Variants in DLGAP2 observed in about 807,000 individuals in gnomAD.
DLGAP2 encodes DLG associated protein 2, also known as disks large-associated protein 2.
In DLGAP2, 26 loss-of-function variants were observed where a neutral mutation model predicts 100.3. That is an observed-to-expected ratio of 0.26 (90% CI 0.19 to 0.36). The LOEUF (loss-of-function observed/expected upper bound fraction) is 0.36, where lower values mean the gene tolerates loss of function less well. DLGAP2 is among the 10% of genes least tolerant of loss of function. The pLI, the probability that DLGAP2 is intolerant of heterozygous loss-of-function variation, is 1.00. For missense variants in DLGAP2, 1,858 were observed against 1,453.2 expected, an observed-to-expected ratio of 1.28 and a Z score of -4.53; for synonymous variants, 886 against 630.1, an observed-to-expected ratio of 1.41 and a Z score of -6.08.
At position 1,013,519 on chromosome 8, in the gene DLGAP2, G is replaced by C. The variant is rs139124730; in HGVS notation, c.73+105553G>C. ...CATCACAGGGTCTCTGTGGGGGCGT[G>C]ATGGGGGTGGGTGATGATGTTGCCG... On this transcript the variant is annotated intron_variant, in intron 2 of 14. Transcript: ENST00000637795. Among the ~76,000 whole-genome samples the C allele has an allele frequency of 2.4e-3, 372 of 152,318 alleles. 7 individuals carry two copies. Among genetic ancestry groups the C allele is most frequent in the Admixed American group, 0.021 (318 of 15,296 alleles).
At chr8:920,139 G>C (rs1502995) in intron 2 of DLGAP2, among the ~76,000 whole-genome samples, 22,751 of 152,164 alleles carry the variant, frequency 0.15, 1,843 homozygotes, top group East Asian at 0.29. Context: ...AGAGTCCCAG[G>C]AGGGGACACA....
At chr8:1,673,648 C>A (rs946793039) in intron 10 of DLGAP2, among the ~76,000 whole-genome samples, 1 of 152,180 alleles carries the variant, frequency 6.6e-6, no homozygotes, top group Non-Finnish European at 1.5e-5. Context: ...GTGGACGAAC[C>A]TACTTGAGTC....
rs149207528 is a variant in DLGAP2, at chr8:1,289,049, C to G, written c.106+30166C>G. Reference sequence around the variant, plus strand: ...TGAATCTGTTTTCTTTTGACATTGGCAGATAGAGCCGGTATTGCTTCTGTC... The same window carrying G: ...TGAATCTGTTTTCTTTTGACATTGGGAGATAGAGCCGGTATTGCTTCTGTC... On this transcript the variant is annotated intron_variant, in intron 3 of 14. Transcript: ENST00000637795. Among the ~76,000 whole-genome samples, 270 of 152,306 alleles carry G rather than the reference C, an allele frequency of 1.8e-3. 2 individuals carry two copies. Among genetic ancestry groups the G allele is most frequent in the Middle Eastern group, 6.8e-3 (2 of 294 alleles).
At chr8:1,153,238 C>G (rs529776346) in intron 2 of DLGAP2, among the ~76,000 whole-genome samples, 9 of 152,246 alleles carry the variant, frequency 5.9e-5, no homozygotes, top group East Asian at 5.8e-4. Context: ...AATCATCAGT[C>G]TCGATCTGAA....
chr8:1,672,545 T>C (rs1288752505), intron 10 of DLGAP2, among the ~76,000 whole-genome samples: 1 of 152,202 alleles, frequency 6.6e-6, no homozygotes, highest in Admixed American at 6.5e-5. Context: ...TCAGTTTCTA[T>C]TCTGTGATCT....
At chr8:1,646,980 C>T (rs1043597158) in intron 8 of DLGAP2, among the ~76,000 whole-genome samples, 12 of 152,248 alleles carry the variant, frequency 7.9e-5, no homozygotes, top group South Asian at 2.1e-4. Flanking sequence ...CAGAGGTGAG[C>T]GGACAGTGGA....
Position 805,217 on chromosome 8 carries a change from C to T in DLGAP2, c.18+67392C>T, listed in dbSNP as rs374442986. 2.6e-5 allele frequency among the ~76,000 whole-genome samples: 4 copies of T among 152,352 alleles called. No homozygotes were observed. The East Asian group carries it at 5.8e-4, about 22-fold the overall frequency. Reference sequence around the variant, plus strand: ...AATAATGAAGGGTTTTCATGAAGCTCTGTCAGTGGTGATTAGGATAAGGAC... The same window carrying T: ...AATAATGAAGGGTTTTCATGAAGCTTTGTCAGTGGTGATTAGGATAAGGAC... On this transcript the variant is annotated intron_variant, in intron 1 of 14. Coordinates refer to ENST00000637795, the MANE Select transcript of DLGAP2 (RefSeq NM_001346810.2).
chr8:986,287 C>G (rs1345103474), intron 2 of DLGAP2, among the ~76,000 whole-genome samples: 2 of 152,126 alleles, frequency 1.3e-5, no homozygotes, highest in Admixed American at 1.3e-4. Flanking sequence ...GCCGGGTTTC[C>G]TTTATGCTAA....
intron 3 of DLGAP2, among the ~76,000 whole-genome samples, chr8:1,487,370 A>C (rs1012214745): frequency 5.9e-5 from 9 of 152,238 alleles, no homozygotes; most frequent in African/African-American, 2.2e-4. Context: ...GGAAGAAAAC[A>C]ACCAACCACA....
Position 1,701,541 on chromosome 8 carries a change from A to C in DLGAP2, c.*135A>C. ...CTCCCGCGCTCCCCGCGCCCCGGAC[A>C]CAGCGGGACGCGGCCGGCGGCCTCA... On this transcript the variant is annotated 3_prime_UTR_variant, in exon 15 of 15. Transcript: ENST00000637795. 1.0e-6 allele frequency: 1 copy of C among 975,320 alleles called. No individual in the cohort carries two copies. The highest frequency in any genetic ancestry group is 1.7e-5 in the South Asian group (1 of 58,124). 60.4% of individuals were successfully genotyped at this position (975,320 alleles called of 1,614,324 possible).
chr8:1,574,394 C>T (rs1156353873), intron 6 of DLGAP2, among the ~76,000 whole-genome samples: 2 of 152,094 alleles, frequency 1.3e-5, no homozygotes, highest in African/African-American at 4.8e-5. Context: ...CACCATGACC[C>T]AAGCCTTAGA....
At chr8:1,322,172 T>C (rs1452458370) in intron 3 of DLGAP2, among the ~76,000 whole-genome samples, 1 of 152,212 alleles carries the variant, frequency 6.6e-6, no homozygotes, top group African/African-American at 2.4e-5. Context: ...TCAACATAGG[T>C]GAATTCTTTA....
intron 2 of DLGAP2, among the ~76,000 whole-genome samples, chr8:974,410 T>C (rs927223601): frequency 2.6e-5 from 4 of 152,206 alleles, no homozygotes; most frequent in East Asian, 3.8e-4. Context: ...CCCAGAATTC[T>C]GTCTATAGAT....
chr8:1,618,954 G>A (rs941677043), intron 6 of DLGAP2, among the ~76,000 whole-genome samples: 5 of 152,114 alleles, frequency 3.3e-5, no homozygotes, highest in African/African-American at 1.2e-4. Flanking sequence ...GGGCCTAATC[G>A]CCCCAGATTA....
chr8:1,127,736 A>G (rs1796200551), intron 2 of DLGAP2, among the ~76,000 whole-genome samples: 1 of 152,176 alleles, frequency 6.6e-6, no homozygotes, highest in African/African-American at 2.4e-5. Context: ...TTTCAAGAAA[A>G]CACTAAGGCC....
intron 1 of DLGAP2, among the ~76,000 whole-genome samples, chr8:765,990 A>C (rs1260740021): frequency 1.3e-5 from 2 of 152,166 alleles, no homozygotes; most frequent in East Asian, 1.9e-4. Context: ...AAAATGGTGA[A>C]ACCCAGTCTC....
Position 1,275,971 on chromosome 8 carries a change from TATAA to T in DLGAP2, c.106+17092_106+17095del, listed in dbSNP as rs1398764549. Among the ~76,000 whole-genome samples, 481 of 94,406 alleles carry T rather than the reference TATAA, an allele frequency of 5.1e-3. 5 individuals carry two copies. Among genetic ancestry groups the T allele is most frequent in the Non-Finnish European group, 8.5e-3 (384 of 45,282 alleles). 61.9% of individuals were successfully genotyped at this position (94,406 alleles called of 152,430 possible). ...AATATATAAATAAATATATAATATA[TATAA>T]ATATAATATATAAATAAATGTAATA... On this transcript the variant is annotated intron_variant, in intron 3 of 14. Transcript: ENST00000637795.
At chr8:1,470,812 G>A (rs1285903707) in intron 3 of DLGAP2, among the ~76,000 whole-genome samples, 1 of 35,260 alleles carries the variant, frequency 2.8e-5, no homozygotes, top group South Asian at 1.0e-3. Flanking sequence ...AGCCTTTCCC[G>A]ACCCCTCCAG....
Position 1,629,124 on chromosome 8 carries a change from G to A in DLGAP2, c.1590+2237G>A, listed in dbSNP as rs149935380. On this transcript the variant is annotated intron_variant, in intron 7 of 14. Coordinates refer to ENST00000637795, the MANE Select transcript of DLGAP2 (RefSeq NM_001346810.2). Reference sequence around the variant, plus strand: ...AAGCACAAGTCTTTCTTTTGCCGCAGACTTTAAATTCCTCATGAGGTAGAG... The same window carrying A: ...AAGCACAAGTCTTTCTTTTGCCGCAAACTTTAAATTCCTCATGAGGTAGAG... Among the ~76,000 whole-genome samples the A allele has an allele frequency of 2.8e-3, 432 of 152,310 alleles. 4 individuals are homozygous for A. The highest frequency in any genetic ancestry group is 4.5e-3 in the Non-Finnish European group (308 of 68,032).
Sources: allele counts gnomAD v4.1 joint callset (sites outside exome capture counted in the v4.1 genomes callset), GRCh38; gene constraint gnomAD v4.1.1; transcripts MANE v1.5; gene names NCBI Gene and HGNC (gene_info 2026-07-23, HGNC 2026-07-21).